The following KCNIP1 variants were observed in gnomAD, a reference collection of about 807,000 sequenced individuals.
KCNIP1 encodes the protein A-type potassium channel modulatory protein KCNIP1.
In KCNIP1, 18 loss-of-function variants were observed where a neutral mutation model predicts 33.0. The observed-to-expected ratio is 0.55, with a 90% CI of 0.38 to 0.81. KCNIP1 has a LOEUF of 0.81. KCNIP1 is among the 30% of genes least tolerant of loss of function. The probability of loss-of-function intolerance (pLI) is 0.00; values close to 1 mark genes in which losing one functional copy is unlikely to be tolerated. For synonymous variants in KCNIP1, 93 were observed against 98.3 expected (o/e 0.95, Z 0.32); for missense variants, 238 against 271.6 (o/e 0.88, Z 0.87).
At chr5:170,558,657 C>T (rs1163015951) in intron 1 of KCNIP1, among the ~76,000 whole-genome samples, 1 of 152,228 alleles carries the variant, frequency 6.6e-6, no homozygotes, top group Non-Finnish European at 1.5e-5. Context: ...GTTCAACCCA[C>T]CTGTACATTT....
intron 1 of KCNIP1, among the ~76,000 whole-genome samples, chr5:170,481,586 G>A (rs1756977845): frequency 6.6e-6 from 1 of 152,086 alleles, no homozygotes; most frequent in Non-Finnish European, 1.5e-5. Flanking sequence ...CAAGCTATAT[G>A]TTACACCTCA....
At chr5:170,583,303 A>G (rs1056275943) in intron 1 of KCNIP1, among the ~76,000 whole-genome samples, 5 of 152,214 alleles carry the variant, frequency 3.3e-5, no homozygotes, top group South Asian at 2.1e-4. Flanking sequence ...TCCTCCAAGT[A>G]CATGATATAC....
chr5:170,597,780 G>GATAAATAA (rs1561708477), intron 1 of KCNIP1, among the ~76,000 whole-genome samples: 22 of 89,998 alleles, frequency 2.4e-4, no homozygotes, highest in African/African-American at 1.0e-3. Context: ...TGGAGAGAGA[G>GATAAATAA]ATAAATATAT....
At chr5:170,459,973 C>T (rs750110972) in intron 1 of KCNIP1, among the ~76,000 whole-genome samples, 1 of 151,988 alleles carries the variant, frequency 6.6e-6, no homozygotes, top group Admixed American at 6.6e-5. Context: ...GAGAGAAAAT[C>T]CAAATAAGCT....
At chr5:170,644,270 A>G (rs766019274) in intron 1 of KCNIP1, among the ~76,000 whole-genome samples, 32 of 152,250 alleles carry the variant, frequency 2.1e-4, no homozygotes, top group Non-Finnish European at 1.8e-4. Flanking sequence ...CCATGAAGAA[A>G]CAAGGTCCCT....
At chr5:170,481,390 A>G (rs73311792) in intron 1 of KCNIP1, among the ~76,000 whole-genome samples, 3,022 of 147,454 alleles carry the variant, frequency 0.02, 72 homozygotes, top group African/African-American at 0.058. Flanking sequence ...CATTAGTACT[A>G]CTCCTGCTGC....
At chr5:170,617,812 G>A (rs1322779767) in intron 1 of KCNIP1, among the ~76,000 whole-genome samples, 2 of 152,212 alleles carry the variant, frequency 1.3e-5, no homozygotes, top group African/African-American at 4.8e-5. Context: ...TCCAGGGAAT[G>A]CAGATCTAAC....
chr5:170,504,296 G>A lies in KCNIP1; in HGVS notation c.-277G>A. 1.5e-6 allele frequency: 2 copies of A among 1,335,994 alleles called. No individual in the cohort carries two copies. Among genetic ancestry groups the A allele is most frequent in the East Asian group, 3.2e-5 (1 of 31,022 alleles). The allele number at this position is 1,335,994 out of a possible 1,614,324, so 82.8% of individuals were successfully genotyped here. On this transcript the variant is annotated 5_prime_UTR_variant, in exon 1 of 8. It introduces an in-frame stop codon into an upstream open reading frame of the 5' UTR. Coordinates refer to ENST00000328939, the MANE Select transcript of KCNIP1 (RefSeq NM_014592.4). This position sits in a 1 kb window ranked among gnomAD's most constrained non-coding sequence, Gnocchi z 6.0. ...GCTTCAGGGCACCGTCCTCGGCCCTGGGCGAGGGAACCGCCGGGCCGGGTC... is the reference window on the plus strand; with the variant it reads ...GCTTCAGGGCACCGTCCTCGGCCCTAGGCGAGGGAACCGCCGGGCCGGGTC...
intron 1 of KCNIP1, among the ~76,000 whole-genome samples, chr5:170,686,209 C>A (rs961387751): frequency 1.3e-5 from 2 of 152,058 alleles, no homozygotes; most frequent in Non-Finnish European, 2.9e-5. Flanking sequence ...AATGAACCTG[C>A]TTTGTAGGTA....
chr5:170,679,510 T>C (rs1762255783), intron 1 of KCNIP1, among the ~76,000 whole-genome samples: 1 of 152,064 alleles, frequency 6.6e-6, no homozygotes, highest in South Asian at 2.1e-4. Context: ...CGCACATACA[T>C]AGGAGAAAAT....
chr5:170,419,165 G>C (rs574001150), intron 1 of KCNIP1, among the ~76,000 whole-genome samples: 135 of 152,356 alleles, frequency 8.9e-4, no homozygotes, highest in Admixed American at 1.4e-3. Flanking sequence ...GACAGAGTCA[G>C]TGTCCAGTGC....
chr5:170,435,466 C>T (rs1755841126), intron 1 of KCNIP1, among the ~76,000 whole-genome samples: 3 of 152,212 alleles, frequency 2.0e-5, no homozygotes, highest in South Asian at 4.1e-4. Context: ...CCCGAGTTTC[C>T]GCCTCCTCAT....
At chr5:170,613,808 A>C (rs1374619805) in intron 1 of KCNIP1, among the ~76,000 whole-genome samples, 1 of 152,228 alleles carries the variant, frequency 6.6e-6, no homozygotes, top group Non-Finnish European at 1.5e-5. Context: ...GAGCTTCTTA[A>C]AAAGGGAACT....
At chr5:170,521,631 A>G (rs1755366931) in intron 1 of KCNIP1, among the ~76,000 whole-genome samples, 1 of 152,230 alleles carries the variant, frequency 6.6e-6, no homozygotes, top group African/African-American at 2.4e-5. Context: ...AGCAAAATCC[A>G]CACACAGCAT....
chr5:170,501,547 T>A (rs1008862370), upstream of KCNIP1, among the ~76,000 whole-genome samples: 1 of 152,254 alleles, frequency 6.6e-6, no homozygotes, highest in Non-Finnish European at 1.5e-5. Context: ...ACTTTGCTAT[T>A]TCTGATCTGC....
chr5:170,384,518 C>T (rs778531441), intron 1 of KCNIP1, among the ~76,000 whole-genome samples: 7 of 152,132 alleles, frequency 4.6e-5, no homozygotes, highest in Admixed American at 1.3e-4. Flanking sequence ...GCAGCAGGCC[C>T]GGGAGAGGCT....
At chr5:170,728,328 T>C (rs1764077195) in intron 5 of KCNIP1, among the ~76,000 whole-genome samples, 1 of 152,194 alleles carries the variant, frequency 6.6e-6, no homozygotes, top group Non-Finnish European at 1.5e-5. Flanking sequence ...GTTTAACATT[T>C]CCTGAAAGCT....
intron 1 of KCNIP1, among the ~76,000 whole-genome samples, chr5:170,631,791 C>G (rs532331935): frequency 4.6e-5 from 7 of 152,216 alleles, no homozygotes; most frequent in Non-Finnish European, 1.0e-4. Context: ...CCCAAGGCCA[C>G]GTGCTGCCCC....
At chr5:170,502,132 G>A (rs572842230), upstream of KCNIP1, among the ~76,000 whole-genome samples, 2 of 152,294 alleles carry the variant, frequency 1.3e-5, no homozygotes, top group East Asian at 1.9e-4. Flanking sequence ...TCTAACACAA[G>A]GTAAGCCTCA....
Sources: gnomAD v4.1 joint callset for allele counts (sites outside exome capture counted in the v4.1 genomes callset) on GRCh38, gnomAD v4.1.1 for gene constraint, Gnocchi (gnomAD v3.1) non-coding constraint, MANE v1.5 for transcripts, NCBI Gene and HGNC (gene_info 2026-07-23, HGNC 2026-07-21) for gene names.